Variants in MINDY4 observed in about 807,000 individuals in gnomAD.
The protein encoded by MINDY4 is probable ubiquitin carboxyl-terminal hydrolase MINDY-4.
In MINDY4, 68 loss-of-function variants were observed where a neutral mutation model predicts 87.0. The observed-to-expected ratio is 0.78, with a 90% CI of 0.64 to 0.96. The LOEUF (loss-of-function observed/expected upper bound fraction) is 0.96, where lower values mean the gene tolerates loss of function less well. MINDY4 is among the 40% of genes least tolerant of loss of function. The pLI is 0.00. For missense variants in MINDY4, 919 were observed against 928.2 expected (o/e 0.99, Z 0.13); for synonymous variants, 379 against 363.2 (o/e 1.04, Z -0.50).
chr7:30,856,263 CG>C (rs1789566887), intron 12 of MINDY4, among the ~76,000 whole-genome samples: 2 of 152,156 alleles, frequency 1.3e-5, no homozygotes, highest in Non-Finnish European at 2.9e-5. Flanking sequence ...TCAATGCAGG[CG>C]TGTTGCCCTG....
chr7:30,774,179 CTT>C (rs1289334285), intron 1 of MINDY4, among the ~76,000 whole-genome samples: 3 of 152,264 alleles, frequency 2.0e-5, no homozygotes, highest in Non-Finnish European at 4.4e-5. Flanking sequence ...CCTTCTCTCT[CTT>C]CAAACCCTGA....
chr7:30,860,690 C>T (rs1789731029), intron 13 of MINDY4, among the ~76,000 whole-genome samples: 2 of 152,100 alleles, frequency 1.3e-5, no homozygotes, highest in African/African-American at 4.8e-5. Flanking sequence ...CTGGTGGTCA[C>T]TGGGAGTGGG....
chr7:30,834,119 C>T (rs1251990321), intron 6 of MINDY4, among the ~76,000 whole-genome samples: 1 of 152,216 alleles, frequency 6.6e-6, no homozygotes, highest in Non-Finnish European at 1.5e-5. Flanking sequence ...GTGGTGCCCC[C>T]GTAGGGATTC....
At chr7:30,865,219 A>G (rs1408212807) in intron 13 of MINDY4, among the ~76,000 whole-genome samples, 1 of 152,196 alleles carries the variant, frequency 6.6e-6, no homozygotes, top group Admixed American at 6.5e-5. Context: ...GTCACATGTG[A>G]GGCAGGGTGG....
chr7:30,883,443 C>T lies in MINDY4; in HGVS notation c.2225+450C>T, dbSNP rs953785264. 9.2e-5 allele frequency among the ~76,000 whole-genome samples: 14 copies of T among 152,262 alleles called. 1 individual carries two copies. The highest frequency in any genetic ancestry group is 3.3e-4 in the Admixed American group (5 of 15,298). On this transcript the variant is annotated intron_variant, in intron 17 of 17. Coordinates refer to ENST00000265299, the MANE Select transcript of MINDY4 (RefSeq NM_032222.3). The stretch of plus-strand genomic sequence containing the variant: ...TGCCTGGAGCGACACCCTCTGCTTG[C>T]GGAGGAGCCGGAGGAGCAGCTCCGC...
intron 13 of MINDY4, among the ~76,000 whole-genome samples, chr7:30,859,820 G>A (rs1789695389): frequency 6.6e-6 from 1 of 152,138 alleles, no homozygotes; most frequent in African/African-American, 2.4e-5. Context: ...GAGGTGGCAG[G>A]GCGGCTTGTC....
At chr7:30,812,274 G>A (rs973530727) in intron 5 of MINDY4, among the ~76,000 whole-genome samples, 2 of 89,672 alleles carry the variant, frequency 2.2e-5, no homozygotes, top group Non-Finnish European at 4.5e-5. Context: ...TGTGTTGAGG[G>A]GGGGGGGGTA....
chr7:30,810,341 T>C (rs1787949568), intron 5 of MINDY4, among the ~76,000 whole-genome samples: 2 of 140,100 alleles, frequency 1.4e-5, no homozygotes, highest in South Asian at 5.0e-4. Flanking sequence ...TGTAAAACTA[T>C]TGAAAAAAAA....
chr7:30,806,383 A>G (rs1313060958), intron 5 of MINDY4, among the ~76,000 whole-genome samples: 1 of 152,248 alleles, frequency 6.6e-6, no homozygotes, highest in Non-Finnish European at 1.5e-5. Context: ...GTCATAAGGA[A>G]TAAGTAAAAT....
intron 6 of MINDY4, among the ~76,000 whole-genome samples, chr7:30,830,709 AT>A (rs1322080734): frequency 6.6e-6 from 1 of 152,188 alleles, no homozygotes; most frequent in Non-Finnish European, 1.5e-5. Context: ...GGGAACTACC[AT>A]TCAAGATGAG....
At chr7:30,800,376 A>G (rs1392743025) in intron 5 of MINDY4, among the ~76,000 whole-genome samples, 1 of 152,194 alleles carries the variant, frequency 6.6e-6, no homozygotes, top group African/African-American at 2.4e-5. Flanking sequence ...CTTTCCCATC[A>G]TGACATGTGC....
chr7:30,882,265 C>T lies in MINDY4; in HGVS notation c.2056C>T (p.Pro686Ser), dbSNP rs1790486735. 2 of 1,613,846 alleles carry T rather than the reference C, an allele frequency of 1.2e-6. No individual in the cohort carries two copies. Among genetic ancestry groups the T allele is most frequent in the Admixed American group, 3.3e-5 (2 of 59,992 alleles). Reference sequence around the variant, plus strand: ...CTTCAGCATCCTCTTTAGCCTGCAGCCGGGGCTCCTGCGTGACTGGAGGAC... The same window carrying T: ...CTTCAGCATCCTCTTTAGCCTGCAGTCGGGGCTCCTGCGTGACTGGAGGAC... ...SHFSILFSLQ[P>S]GLLRDWRTER... The change falls in exon 16 of 18, where the codon CCG becomes TCG. Residue 686 changes from proline (P) to serine (S), a missense_variant. Transcript: ENST00000265299.
chr7:30,775,259 C>G lies in MINDY4; in HGVS notation c.64-3173C>G, dbSNP rs184968220. Reference sequence around the variant, plus strand: ...AAGTCCCAAGTTGCCACCTGAACTTCTGACCAACTAGCTATAAATTGAGGG... The same window carrying G: ...AAGTCCCAAGTTGCCACCTGAACTTGTGACCAACTAGCTATAAATTGAGGG... On this transcript the variant is annotated intron_variant, in intron 1 of 17. Coordinates refer to ENST00000265299, the MANE Select transcript of MINDY4 (RefSeq NM_032222.3). 2.0e-5 allele frequency among the ~76,000 whole-genome samples: 3 copies of G among 152,336 alleles called. No individual in the cohort carries two copies. In the East Asian group the frequency reaches 5.8e-4, roughly 29 times the overall value.
intron 1 of MINDY4, among the ~76,000 whole-genome samples, chr7:30,773,420 C>T (rs1584219216): frequency 6.6e-6 from 1 of 152,204 alleles, no homozygotes; most frequent in African/African-American, 2.4e-5. Flanking sequence ...CTACTGGCTT[C>T]CCATCATAAT....
chr7:30,798,913 T>C (rs1184285509), intron 5 of MINDY4, among the ~76,000 whole-genome samples: 1 of 152,166 alleles, frequency 6.6e-6, no homozygotes, highest in African/African-American at 2.4e-5. Context: ...AGCTGTCCTG[T>C]TACTTTTGTG....
intron 5 of MINDY4, among the ~76,000 whole-genome samples, chr7:30,819,367 T>C (rs1271831235): frequency 6.6e-6 from 1 of 152,224 alleles, no homozygotes; most frequent in Non-Finnish European, 1.5e-5. Flanking sequence ...TTTATTTCTT[T>C]GTAATCAGAA....
At chr7:30,869,050 A>G (rs1044691640) in intron 13 of MINDY4, among the ~76,000 whole-genome samples, 5 of 152,206 alleles carry the variant, frequency 3.3e-5, no homozygotes. Context: ...CCCCCAGTGC[A>G]GGACAGCTTC....
chr7:30,892,014 TG>T lies in MINDY4; in HGVS notation c.*10del. 3.1e-6 allele frequency: 5 copies of T among 1,614,120 alleles called. No individual in the cohort carries two copies. Among genetic ancestry groups the T allele is most frequent in the Non-Finnish European group, 4.2e-6 (5 of 1,179,978 alleles). On this transcript the variant is annotated 3_prime_UTR_variant, in exon 18 of 18. Transcript: ENST00000265299. ...CAGACCCCATCCTGTGACCGTTGGA[TG>T]TGGGTAAACCCTGTGGTCCACCACT...
chr7:30,828,605 T>C, intron 5 of MINDY4, 74 bp from the exon 6 acceptor site: 1 of 1,490,856 alleles, frequency 6.7e-7, no homozygotes, highest in Non-Finnish European at 9.3e-7. Flanking sequence ...TATCCATCGC[T>C]CTTAACAGTC....
Sources: gnomAD v4.1 joint callset for allele counts (sites outside exome capture counted in the v4.1 genomes callset) on GRCh38, gnomAD v4.1.1 for gene constraint, MANE v1.5 for transcripts, NCBI Gene and HGNC (gene_info 2026-07-23, HGNC 2026-07-21) for gene names.